The following POLD3 variants were observed in gnomAD, a reference collection of about 807,000 sequenced individuals.
POLD3 encodes DNA polymerase delta 3, accessory subunit.
POLD3 carries 19 observed loss-of-function variants against 58.2 expected under a neutral mutation model. The ratio of observed to expected loss-of-function variants is 0.33; its 90% CI spans 0.23 to 0.48. POLD3 has a LOEUF of 0.48. Among genes scored for constraint, POLD3 ranks in the 20% least tolerant of loss-of-function variants. The pLI is 0.99. For missense variants in POLD3, 504 were observed against 545.5 expected, an observed-to-expected ratio of 0.92 and a Z score of 0.76; for synonymous variants, 172 against 193.5, an observed-to-expected ratio of 0.89 and a Z score of 0.92.
chr11:74,656,772 A>G (rs1334872373), intron 4 of POLD3, among the ~76,000 whole-genome samples: 1 of 149,340 alleles, frequency 6.7e-6, no homozygotes, highest in African/African-American at 2.5e-5. Context: ...AGGTTATAAG[A>G]TTTGTTTTGT....
At chr11:74,623,044 G>T (rs2032314003) in intron 7 of POLD3, among the ~76,000 whole-genome samples, 1 of 152,204 alleles carries the variant, frequency 6.6e-6, no homozygotes, top group Non-Finnish European at 1.5e-5. Context: ...ATATGACATG[G>T]ATGAACCTTG....
intron 5 of POLD3, among the ~76,000 whole-genome samples, chr11:74,617,983 C>A (rs34450669): frequency 6.6e-6 from 1 of 152,064 alleles, no homozygotes; most frequent in African/African-American, 2.4e-5. Context: ...GTTCCCAAAC[C>A]GCTGGGATTA....
At chr11:74,602,775 C>G (rs2031546849) in intron 2 of POLD3, among the ~76,000 whole-genome samples, 1 of 152,212 alleles carries the variant, frequency 6.6e-6, no homozygotes, top group Admixed American at 6.5e-5. Flanking sequence ...GCACTCTGCC[C>G]TCTCTCCCCT....
intron 7 of POLD3, among the ~76,000 whole-genome samples, chr11:74,623,736 T>C (rs1254706078): frequency 6.6e-6 from 1 of 152,250 alleles, no homozygotes; most frequent in Non-Finnish European, 1.5e-5. Context: ...CGTGTTTTCT[T>C]GAGTATAAAA....
downstream of POLD3, among the ~76,000 whole-genome samples, chr11:74,644,217 C>T (rs1262635737): frequency 2.6e-5 from 4 of 152,190 alleles, no homozygotes; most frequent in Non-Finnish European, 4.4e-5. Flanking sequence ...TAAATAGTTT[C>T]TCCAGGACAT....
In POLD3 at chr11:74,654,248, C is replaced by T. The variant is rs77078640; in HGVS notation, c.370-14529C>T. 2.5e-3 allele frequency among the ~76,000 whole-genome samples: 380 copies of T among 152,214 alleles called. 2 individuals carry two copies. The highest frequency in any genetic ancestry group is 8.6e-3 in the African/African-American group (358 of 41,522). ...TGCAGATAGGTTAAAAGTAGTAGGA[C>T]AGAAAAAGACCATGCGTACACAAAT... On this transcript the variant is annotated intron_variant, in intron 4 of 4. Coordinates refer to the POLD3 transcript ENST00000524752.
chr11:74,613,121 TC>T (rs2031970000), intron 5 of POLD3, 111 bp downstream of exon 5: 15 of 932,858 alleles, frequency 1.6e-5, no homozygotes, highest in Non-Finnish European at 2.3e-5. Context: ...ACCCCATTTA[TC>T]TTGCAGTAAG....
Position 74,649,561 on chromosome 11 carries a change from G to A in POLD3, c.369+13286G>A, listed in dbSNP as rs141567901. Among the ~76,000 whole-genome samples the A allele has an allele frequency of 3.8e-3, 581 of 152,264 alleles. 3 individuals are homozygous for A. The highest frequency in any genetic ancestry group is 0.013 in the African/African-American group (548 of 41,548). ...CTTTTCTAGCAGTAAGTTTTGCTGTGAACTCCAAAGCTCACCCCTAAAATA... is the reference window on the plus strand; with the variant it reads ...CTTTTCTAGCAGTAAGTTTTGCTGTAAACTCCAAAGCTCACCCCTAAAATA... On this transcript the variant is annotated intron_variant, in intron 4 of 4. Transcript: ENST00000524752.
intron 11 of POLD3, among the ~76,000 whole-genome samples, 156 bp from the exon 12 acceptor site, chr11:74,640,408 A>C (rs954066390): frequency 6.6e-6 from 1 of 152,214 alleles, no homozygotes; most frequent in South Asian, 2.1e-4. Context: ...ACCTTAGGCT[A>C]GATCTGATCT....
At chr11:74,616,380 T>G (rs2032079675) in intron 5 of POLD3, among the ~76,000 whole-genome samples, 1 of 152,070 alleles carries the variant, frequency 6.6e-6, no homozygotes. Flanking sequence ...ATGAAGAGAG[T>G]TGAAATTTTA....
At chr11:74,666,939 C>A in intron 4 of POLD3, among the ~76,000 whole-genome samples, 2 of 140,448 alleles carry the variant, frequency 1.4e-5, no homozygotes, top group African/African-American at 2.7e-5. Context: ...CATGTATGAG[C>A]AATTGATGTT....
chr11:74,618,075 A>G (rs1414874724), intron 5 of POLD3, among the ~76,000 whole-genome samples: 4 of 140,770 alleles, frequency 2.8e-5, no homozygotes, highest in Non-Finnish European at 4.6e-5. Flanking sequence ...TAATATTTAA[A>G]GCTTAGTTTT....
rs2032517341 is a variant in POLD3, at chr11:74,629,253, G to A, written c.936G>A (p.Lys312=). Residue 312 remains lysine (K), a synonymous_variant, in exon 9 of 12, where the codon AAG becomes AAA. Transcript: ENST00000263681. ...TAGCATTATCTGATGATGAGACAAA[G>A]GAAACTGAAAACATGAGGAAAAAGA... ...KRVALSDDET[K]ETENMRKKRR... The A allele has an allele frequency of 1.1e-5, 17 of 1,606,976 alleles. No homozygotes were observed. The highest frequency in any genetic ancestry group is 1.4e-5 in the Non-Finnish European group (17 of 1,176,126).
At chr11:74,644,034 A>G (rs1386858254), downstream of POLD3, among the ~76,000 whole-genome samples, 4 of 152,084 alleles carry the variant, frequency 2.6e-5, no homozygotes, top group Admixed American at 2.6e-4. Context: ...CTTCTTTGAC[A>G]CTCTCAGTGA....
chr11:74,605,869 A>C (rs770188988), intron 3 of POLD3, among the ~76,000 whole-genome samples: 3 of 152,150 alleles, frequency 2.0e-5, no homozygotes, highest in Non-Finnish European at 4.4e-5. Context: ...GAATCACTTG[A>C]GCCCAGGAGT....
intron 4 of POLD3, among the ~76,000 whole-genome samples, chr11:74,651,892 G>T (rs566361799): frequency 5.4e-4 from 82 of 152,272 alleles, no homozygotes; most frequent in African/African-American, 1.8e-3. Context: ...CATTACAAAG[G>T]CTTTACTAGT....
At chr11:74,611,962 G>A (rs1476964658) in intron 4 of POLD3, among the ~76,000 whole-genome samples, 2 of 152,172 alleles carry the variant, frequency 1.3e-5, no homozygotes, top group Admixed American at 6.5e-5. Flanking sequence ...GCTACCGTTG[G>A]ATTGTTTAAA....
Position 74,620,087 on chromosome 11 carries a change from T to C in POLD3, c.731T>C (p.Met244Thr). The C allele has an allele frequency of 6.2e-7, 1 of 1,601,268 alleles. No individual in the cohort carries two copies. The highest frequency in any genetic ancestry group is 8.6e-7 in the Non-Finnish European group (1 of 1,168,270). The change falls in exon 7 of 12, where the codon ATG becomes ACG. Residue 244 changes from methionine (M) to threonine (T), a missense_variant and splice_region_variant. Physicochemically the swap from Met to Thr is moderately conservative, Grantham distance 81. This residue lies in a region of POLD3 where 385 missense variants were observed against 370.5 expected (regional missense o/e 1.04). Coordinates refer to ENST00000263681, the MANE Select transcript of POLD3 (RefSeq NM_006591.3). The part of the protein sequence containing the change: ...MMSNFFGKAA[M>T]NKFKVNLDSE... ...AGCAACTTTTTTGGAAAAGCTGCTA[T>C]GAGTAAGCATGTTCTTACCTCACTT...
intron 7 of POLD3, 97 bp downstream of exon 7, chr11:74,620,186 A>G: frequency 4.5e-6 from 4 of 885,104 alleles, no homozygotes; most frequent in South Asian, 1.4e-5. Flanking sequence ...GTTTTTGCCA[A>G]TCCAAGAGAC....
Sources: allele counts gnomAD v4.1 joint callset (sites outside exome capture counted in the v4.1 genomes callset), GRCh38; gene constraint gnomAD v4.1.1; regional missense constraint gnomAD v4.1.1; transcripts MANE v1.5; gene names NCBI Gene and HGNC (gene_info 2026-07-23, HGNC 2026-07-21).